Variants in NIPBL observed in about 807,000 individuals in gnomAD.
The protein encoded by NIPBL is NIPBL cohesin loading factor.
NIPBL carries 19 observed loss-of-function variants against 321.8 expected under a neutral mutation model. The observed-to-expected ratio is 0.06, with a 90% CI of 0.04 to 0.09. The LOEUF (loss-of-function observed/expected upper bound fraction) is 0.09. Among genes scored for constraint, NIPBL ranks in the 10% least tolerant of loss-of-function variants. The pLI is 1.00. For synonymous variants in NIPBL, 1,106 were observed against 1,114.1 expected, an observed-to-expected ratio of 0.99 and a Z score of 0.14; for missense variants, 2,210 against 3,327.0, an observed-to-expected ratio of 0.66 and a Z score of 8.26.
intron 29 of NIPBL, among the ~76,000 whole-genome samples, chr5:37,023,230 T>G (rs1749855880): frequency 6.6e-6 from 1 of 152,222 alleles, no homozygotes; most frequent in African/African-American, 2.4e-5. Flanking sequence ...TTTTCCTTCT[T>G]AGGGCTTCCA....
intron 10 of NIPBL, among the ~76,000 whole-genome samples, chr5:36,988,531 T>G (rs1745108986): frequency 6.6e-6 from 1 of 151,952 alleles, no homozygotes; most frequent in South Asian, 2.1e-4. Flanking sequence ...CCAATTTTGG[T>G]TTTGTTTTAG....
chr5:36,955,379 T>G lies in NIPBL; in HGVS notation c.65-93T>G, dbSNP rs1740824523. The G allele has an allele frequency of 2.8e-6, 3 of 1,074,314 alleles. No homozygotes were observed. In the African/African-American group the frequency reaches 4.7e-5, roughly 17 times the overall value. The allele number at this position is 1,074,314 out of a possible 1,614,324, so 66.5% of individuals were successfully genotyped here. A position where few individuals can be genotyped will look rare whatever the true frequency, so the allele number is the denominator to read the frequency against. ...TTTTAATAATTTGTCACATTGATATTTATAACTTACTTTTAATCCCAAAAT... is the reference window on the plus strand; with the variant it reads ...TTTTAATAATTTGTCACATTGATATGTATAACTTACTTTTAATCCCAAAAT... On this transcript the variant is annotated intron_variant, in intron 2 of 46. Coordinates refer to ENST00000282516, the MANE Select transcript of NIPBL (RefSeq NM_133433.4).
intron 11 of NIPBL, among the ~76,000 whole-genome samples, chr5:37,000,075 T>G (rs1219508061): frequency 6.6e-6 from 1 of 152,208 alleles, no homozygotes; most frequent in Non-Finnish European, 1.5e-5. Context: ...CTTACTGACT[T>G]ACTGAATAAC....
At chr5:37,061,082 G>C in intron 45 of NIPBL, 64 bp downstream of exon 45, 6 of 1,212,698 alleles carry the variant, frequency 4.9e-6, no homozygotes, top group Middle Eastern at 2.0e-4. Flanking sequence ...AAATGTGGGG[G>C]GCCGGTGGGG....
chr5:37,024,603 A>C lies in NIPBL; in HGVS notation c.5593A>C (p.Arg1865=). The change falls in exon 30 of 47, where the codon AGG becomes CGG. Residue 1865 remains arginine, a synonymous_variant. Coordinates refer to ENST00000282516, the MANE Select transcript of NIPBL (RefSeq NM_133433.4). ...ERILDTGISV[R]KRVIKILRDI... is the part of the protein sequence containing the mutation. ...TTTTTAGGATACTGGTATCAGTGTC[A>C]GGAAAAGAGTAATAAAGATTCTCAG... is the stretch of plus-strand genomic sequence containing the variant. 6.2e-7 allele frequency: 1 copy of C among 1,604,158 alleles called. No individual in the cohort carries two copies. The highest frequency in any genetic ancestry group is 1.1e-5 in the South Asian group (1 of 90,506).
intron 4 of NIPBL, among the ~76,000 whole-genome samples, chr5:36,959,693 A>G (rs1207737524): frequency 6.6e-6 from 1 of 152,214 alleles, no homozygotes; most frequent in Non-Finnish European, 1.5e-5. Context: ...CTAATACTAC[A>G]TTTTTGCAAC....
At chr5:36,929,704 G>C (rs970461497) in intron 1 of NIPBL, among the ~76,000 whole-genome samples, 2 of 152,016 alleles carry the variant, frequency 1.3e-5, no homozygotes, top group African/African-American at 4.8e-5. Context: ...ATGGTTTATA[G>C]TTTAAGCTCA....
At chr5:36,940,841 G>A (rs1738984753) in intron 1 of NIPBL, among the ~76,000 whole-genome samples, 1 of 152,118 alleles carries the variant, frequency 6.6e-6, no homozygotes, top group Non-Finnish European at 1.5e-5. Context: ...AGATAACAAT[G>A]CTAGGCATAT....
chr5:36,929,764 G>C (rs774638533), intron 1 of NIPBL, among the ~76,000 whole-genome samples: 2 of 152,068 alleles, frequency 1.3e-5, no homozygotes, highest in Non-Finnish European at 2.9e-5. Flanking sequence ...TATGGTATAA[G>C]TTAATGGTCT....
chr5:37,044,318 T>A, intron 34 of NIPBL, 29 bp from the exon 35 acceptor site: 1 of 1,604,836 alleles, frequency 6.2e-7, no homozygotes, highest in Non-Finnish European at 8.5e-7. Context: ...GTTTTGGATA[T>A]TCATAAAGCA....
chr5:36,894,646 T>G (rs937738365), intron 1 of NIPBL, among the ~76,000 whole-genome samples: 2 of 152,102 alleles, frequency 1.3e-5, no homozygotes, highest in Admixed American at 6.6e-5. Context: ...TATGTTTTTT[T>G]CCCCCCACTG....
At chr5:36,898,164 A>C (rs1313596066) in intron 1 of NIPBL, among the ~76,000 whole-genome samples, 1 of 152,192 alleles carries the variant, frequency 6.6e-6, no homozygotes, top group African/African-American at 2.4e-5. Context: ...CTAGCTTATT[A>C]TGTATTTTGT....
intron 1 of NIPBL, among the ~76,000 whole-genome samples, chr5:36,913,619 T>C (rs1030115941): frequency 6.6e-5 from 10 of 152,248 alleles, no homozygotes; most frequent in Non-Finnish European, 1.5e-4. Context: ...GCAGTCCTTC[T>C]GCCTCAGCCT....
intron 4 of NIPBL, among the ~76,000 whole-genome samples, chr5:36,959,053 A>C (rs1741305223): frequency 6.6e-6 from 1 of 152,064 alleles, no homozygotes; most frequent in Non-Finnish European, 1.5e-5. Context: ...AAAAAAATAC[A>C]ACAACTAGCC....
At chr5:36,966,410 A>T (rs1405328617) in intron 6 of NIPBL, among the ~76,000 whole-genome samples, 3 of 152,068 alleles carry the variant, frequency 2.0e-5, no homozygotes, top group African/African-American at 7.2e-5. Flanking sequence ...TTCCAGTTAC[A>T]CATTTTTGGC....
chr5:36,928,605 A>G (rs185600584), intron 1 of NIPBL, among the ~76,000 whole-genome samples: 3 of 152,290 alleles, frequency 2.0e-5, no homozygotes, highest in African/African-American at 7.2e-5. Flanking sequence ...TAAGTATACA[A>G]TTTAATGGTT....
chr5:36,886,587 A>G, intron 1 of NIPBL: 1 of 562,462 alleles, frequency 1.8e-6, no homozygotes, highest in South Asian at 2.0e-5. Flanking sequence ...CAGTTAAAAT[A>G]GTTATCTGAT....
At chr5:36,938,806 G>C (rs1738746123) in intron 1 of NIPBL, among the ~76,000 whole-genome samples, 1 of 152,096 alleles carries the variant, frequency 6.6e-6, no homozygotes, top group African/African-American at 2.4e-5. Flanking sequence ...TCAAAACCAG[G>C]AAACTGACGT....
intron 23 of NIPBL, among the ~76,000 whole-genome samples, chr5:37,016,709 A>G (rs1261600445): frequency 6.6e-6 from 1 of 152,168 alleles, no homozygotes; most frequent in East Asian, 1.9e-4. Flanking sequence ...TTTCATAGGC[A>G]TCAGAATTCC....
Sources: allele counts gnomAD v4.1 joint callset (sites outside exome capture counted in the v4.1 genomes callset), GRCh38; gene constraint gnomAD v4.1.1; transcripts MANE v1.5; gene names NCBI Gene and HGNC (gene_info 2026-07-23, HGNC 2026-07-21).